PLVAP: variants seen among roughly 807,000 people sequenced by gnomAD.
PLVAP encodes the protein plasmalemma vesicle-associated protein.
Under a neutral mutation model 43.1 loss-of-function variants are expected in PLVAP, and 34 were observed. The ratio of observed to expected loss-of-function variants is 0.79; its 90% CI spans 0.60 to 1.05. The LOEUF (loss-of-function observed/expected upper bound fraction) is 1.05. Ranked by LOEUF, PLVAP falls within the 50% of genes least tolerant of loss-of-function variation. The pLI is 0.00. For missense variants in PLVAP, 574 were observed against 593.4 expected, an observed-to-expected ratio of 0.97 and a Z score of 0.34; for synonymous variants, 241 against 237.3, an observed-to-expected ratio of 1.02 and a Z score of -0.14.
At chr19:17,357,822 G>T (rs183983616) in intron 5 of PLVAP, among the ~76,000 whole-genome samples, 8 of 152,194 alleles carry the variant, frequency 5.3e-5, no homozygotes, top group Non-Finnish European at 1.0e-4. Context: ...TCCTGCGACC[G>T]TGAGGAGAGA....
At chr19:17,359,912 C>G (rs1311052236) in intron 5 of PLVAP, among the ~76,000 whole-genome samples, 1 of 152,090 alleles carries the variant, frequency 6.6e-6, no homozygotes, top group African/African-American at 2.4e-5. Context: ...TGCCACTCCC[C>G]CTTCTCTCCC....
intron 5 of PLVAP, among the ~76,000 whole-genome samples, chr19:17,358,402 AT>A (rs1381994150): frequency 6.6e-6 from 1 of 152,174 alleles, no homozygotes; most frequent in African/African-American, 2.4e-5. Context: ...CAGACCCAGA[AT>A]GACAATAGCT....
Position 17,360,573 on chromosome 19 carries a change from A to G in PLVAP, c.1277T>C (p.Leu426Pro). 1 of 1,613,872 alleles carries G rather than the reference A, an allele frequency of 6.2e-7. No individual in the cohort carries two copies. Among genetic ancestry groups the G allele is most frequent in the South Asian group, 1.1e-5 (1 of 91,054 alleles). Residue 426 changes from leucine to proline, a missense_variant, in exon 5 of 6, where the codon CTG becomes CCG. Coordinates refer to ENST00000252590, the MANE Select transcript of PLVAP (RefSeq NM_031310.3). Reference sequence around the variant, plus strand: ...GCCTGCAGGGGGCCTCTGGGACTCCAGGATCTTCCTCTTGAACTCCTCCAG... The same window carrying G: ...GCCTGCAGGGGGCCTCTGGGACTCCGGGATCTTCCTCTTGAACTCCTCCAG... ...ASLEEFKRKI[L>P]ESQRPPAGIP...
chr19:17,377,128 A>C lies in PLVAP; in HGVS notation c.161T>G (p.Val54Gly). 1.2e-6 allele frequency: 2 copies of C among 1,614,056 alleles called. No individual in the cohort carries two copies. The highest frequency in any genetic ancestry group is 2.2e-5 in the South Asian group (2 of 91,074). ...GGCCTGCAGGTTGGACTCTGTGCTCACGTGCACGTTGCCATAGACCATGAA... is the reference window on the plus strand; with the variant it reads ...GGCCTGCAGGTTGGACTCTGTGCTCCCGTGCACGTTGCCATAGACCATGAA... Reference protein sequence around the residue: ...VLFMVYGNVHVSTESNLQATE... With the variant: ...VLFMVYGNVHGSTESNLQATE... The change falls in exon 1 of 6, where the codon GTG (valine) becomes GGG (glycine). Residue 54 changes from valine to glycine, a missense_variant. By Grantham distance (109) the Val-to-Gly change is moderately radical (BLOSUM62 -3). Coordinates refer to ENST00000252590, the MANE Select transcript of PLVAP (RefSeq NM_031310.3).
intron 1 of PLVAP, among the ~76,000 whole-genome samples, chr19:17,374,204 C>T (rs1210131304): frequency 5.3e-5 from 8 of 151,972 alleles, no homozygotes; most frequent in South Asian, 2.1e-4. Context: ...CGGTGGCTCA[C>T]GCCTGTAATC....
At position 17,365,355 on chromosome 19, in the gene PLVAP, C is replaced by T; in HGVS notation, c.1110G>A (p.Arg370=). Residue 370 remains arginine, a synonymous_variant, in exon 3 of 6, where the codon AGG becomes AGA. Coordinates refer to ENST00000252590, the MANE Select transcript of PLVAP (RefSeq NM_031310.3). ...GCTCCATCCTGAGCTGCTCCGCCTC[C>T]CTCTTCTTCTCTTCCAGCTCCTTGG... is the stretch of plus-strand genomic sequence containing the variant. ...NLAKELEEKK[R]EAEQLRMELA... is the part of the protein sequence containing the mutation. 6.2e-7 allele frequency: 1 copy of T among 1,613,448 alleles called. No homozygotes were observed.
In PLVAP at chr19:17,359,693, CTTT is replaced by C. The variant is rs10617408; in HGVS notation, c.1322+832_1322+834del. On this transcript the variant is annotated intron_variant, in intron 5 of 5. Transcript: ENST00000252590. ...AGGCGTAAGCCACCGTACCCGGCCT[CTTT>C]TTTTTTTTTTTTTTCTGACACAGTC... 4.4e-4 allele frequency among the ~76,000 whole-genome samples: 51 copies of C among 116,146 alleles called. 1 individual carries two copies. Among genetic ancestry groups the C allele is most frequent in the African/African-American group, 1.1e-3 (36 of 31,574 alleles). 76.2% of individuals were successfully genotyped at this position (116,146 alleles called of 152,430 possible). A position where few individuals can be genotyped will look rare whatever the true frequency, so the allele number is the denominator to read the frequency against.
Position 17,361,194 on chromosome 19 carries a change from G to A in PLVAP, c.1180-362C>T, listed in dbSNP as rs112490711. Among the ~76,000 whole-genome samples, 117 of 152,198 alleles carry A rather than the reference G, an allele frequency of 7.7e-4. 2 individuals carry two copies. Among genetic ancestry groups the A allele is most frequent in the African/African-American group, 2.5e-3 (105 of 41,520 alleles). On this transcript the variant is annotated intron_variant, in intron 3 of 5. Coordinates refer to ENST00000252590, the MANE Select transcript of PLVAP (RefSeq NM_031310.3). ...GCCTCCCAAAGTGCTGGGATTACAG[G>A]CATGAACCACTGCACCCGGCCAGGT...
chr19:17,373,318 G>A (rs1422609261), intron 1 of PLVAP, among the ~76,000 whole-genome samples: 1 of 151,944 alleles, frequency 6.6e-6, no homozygotes, highest in Non-Finnish European at 1.5e-5. Flanking sequence ...GGTTTTGGCG[G>A]ATAGAGACAG....
At position 17,365,847 on chromosome 19, in the gene PLVAP, C is replaced by T. The variant is rs753575977; in HGVS notation, c.618G>A (p.Leu206=). Residue 206 remains leucine, a synonymous_variant, in exon 3 of 6, where the codon CTG becomes CTA. Transcript: ENST00000252590. The part of the protein sequence containing the change: ...QLVECVKTRE[L]QHQERQLAKE... ...TGGCCAGCTGGCGCTCTTGGTGCTG[C>T]AGCTCCCGGGTTTTCACGCATTCAA... is the stretch of plus-strand genomic sequence containing the variant. 8 of 1,614,144 alleles carry T rather than the reference C, an allele frequency of 5.0e-6. No homozygotes were observed. The highest frequency in any genetic ancestry group is 3.4e-6 in the Non-Finnish European group (4 of 1,180,044).
Sources: allele counts gnomAD v4.1 joint callset (sites outside exome capture counted in the v4.1 genomes callset), GRCh38; gene constraint gnomAD v4.1.1; transcripts MANE v1.5; gene names NCBI Gene and HGNC (gene_info 2026-07-23, HGNC 2026-07-21).